ZDHHC11B: variants seen among roughly 807,000 people sequenced by gnomAD.
The protein encoded by ZDHHC11B is zDHHC palmitoyltransferase 11B (putative).
Under a neutral mutation model 42.3 loss-of-function variants are expected in ZDHHC11B, and 17 were observed. That is an observed-to-expected ratio of 0.40 (90% CI 0.27 to 0.60). The LOEUF is 0.60. Among genes scored for constraint, ZDHHC11B ranks in the 20% least tolerant of loss-of-function variants. The pLI is 0.41. For synonymous variants in ZDHHC11B, 123 were observed against 193.5 expected, an observed-to-expected ratio of 0.64 and a Z score of 3.02; for missense variants, 262 against 463.2, an observed-to-expected ratio of 0.57 and a Z score of 3.99.
At chr5:767,091 G>A (rs1735539295) in intron 3 of ZDHHC11B, 172 bp from the exon 4 acceptor site, 5 of 912,202 alleles carry the variant, frequency 5.5e-6, no homozygotes, top group Non-Finnish European at 8.2e-6. Context: ...CAGGGGTTGG[G>A]CTGGAGTCGG....
At chr5:765,898 C>A (rs533721935) in intron 4 of ZDHHC11B, among the ~76,000 whole-genome samples, 1 of 151,940 alleles carries the variant, frequency 6.6e-6, no homozygotes, top group East Asian at 1.9e-4. Context: ...CCCACCAGTT[C>A]CGGACACAGT....
intron 4 of ZDHHC11B, among the ~76,000 whole-genome samples, chr5:757,782 G>T (rs1444690470): frequency 6.6e-6 from 1 of 151,974 alleles, no homozygotes; most frequent in African/African-American, 2.4e-5. Flanking sequence ...AGAATGATCT[G>T]GATGCCAAGG....
intron 9 of ZDHHC11B, among the ~76,000 whole-genome samples, chr5:742,132 A>G (rs534634484): frequency 8.3e-6 from 1 of 120,056 alleles, no homozygotes; most frequent in Non-Finnish European, 1.7e-5. Context: ...AGTTTGTTCA[A>G]ATCTTTTGCC....
chr5:718,378 G>C (rs1208969993), intron 12 of ZDHHC11B, among the ~76,000 whole-genome samples: 15 of 151,726 alleles, frequency 9.9e-5, no homozygotes, highest in African/African-American at 3.6e-4. Context: ...AGTGCTTGAA[G>C]AAAGGAGAAG....
chr5:769,914 C>T (rs1365343952), intron 1 of ZDHHC11B, among the ~76,000 whole-genome samples: 4 of 151,944 alleles, frequency 2.6e-5, no homozygotes, highest in African/African-American at 7.3e-5. Context: ...GAACGTGGCT[C>T]GAGTCCCGCT....
intron 12 of ZDHHC11B, among the ~76,000 whole-genome samples, chr5:725,313 G>GA (rs1461345204): frequency 8.5e-6 from 1 of 118,290 alleles, no homozygotes; most frequent in Non-Finnish European, 1.8e-5. Context: ...GGAGAACCGG[G>GA]AAGGGGCTCT....
chr5:724,453 G>GC, intron 12 of ZDHHC11B, among the ~76,000 whole-genome samples: 1 of 130,004 alleles, frequency 7.7e-6, no homozygotes, highest in South Asian at 2.5e-4. Context: ...TCGGCTCACT[G>GC]CAAGCTCCGC....
intron 1 of ZDHHC11B, among the ~76,000 whole-genome samples, chr5:778,958 A>G (rs1054008300): frequency 5.9e-5 from 9 of 151,790 alleles, no homozygotes; most frequent in Non-Finnish European, 1.2e-4. Flanking sequence ...GGGCTGGGGC[A>G]TGAGGACATG....
chr5:717,451 G>A (rs1330933260), intron 12 of ZDHHC11B, among the ~76,000 whole-genome samples: 12 of 151,600 alleles, frequency 7.9e-5, no homozygotes, highest in African/African-American at 2.2e-4. Flanking sequence ...AAGTTGCAAC[G>A]CTGAATGTGT....
In ZDHHC11B at chr5:766,904, C is replaced by T. The variant is rs553479208; in HGVS notation, c.16G>A (p.Gly6Arg). 100 of 1,612,174 alleles carry T rather than the reference C, an allele frequency of 6.2e-5. 2 individuals are homozygous for T. The highest frequency in any genetic ancestry group is 3.6e-4 in the South Asian group (33 of 90,904). Residue 6 changes from glycine (G) to arginine (R), a missense_variant, in exon 4 of 14, where the codon GGG (glycine) becomes AGG (arginine). By Grantham distance (125) the Gly-to-Arg change is moderately radical. Around this residue, in one of 5 missense-constraint regions of ZDHHC11B, gnomAD observed 97 missense variants for 98.1 expected, o/e 0.99. Transcript: ENST00000508859. MDTRS[G>R]SQCSVTPEAI... ...TCTGGGGTGACGGAACACTGGCTCC[C>T]GGAGCGGGTGTCCATCTGCAGGACA... is the stretch of plus-strand genomic sequence containing the variant.
chr5:765,600 T>A (rs1735176394), intron 4 of ZDHHC11B, among the ~76,000 whole-genome samples: 1 of 151,914 alleles, frequency 6.6e-6, no homozygotes, highest in African/African-American at 2.4e-5. Flanking sequence ...AGCAGCAAAC[T>A]GCTTGGGTTC....
Position 776,971 on chromosome 5 carries a change from T to C in ZDHHC11B, c.-230+7697A>G, listed in dbSNP as rs1481138340. 1.3e-5 allele frequency among the ~76,000 whole-genome samples: 2 copies of C among 151,886 alleles called. 1 individual carries two copies. Among genetic ancestry groups the C allele is most frequent in the Non-Finnish European group, 2.9e-5 (2 of 67,934 alleles). On this transcript the variant is annotated intron_variant, in intron 1 of 13. Transcript: ENST00000508859. The stretch of plus-strand genomic sequence containing the variant: ...CCTGTCAGGCAGGCAGAGCTCCCAA[T>C]CAGAACAAAGCTGGCAGTTTTGAGT...
Position 720,879 on chromosome 5 carries a change from G to A in ZDHHC11B, c.1059-4014C>T, listed in dbSNP as rs1262344041. On this transcript the variant is annotated intron_variant, in intron 12 of 13. Coordinates refer to ENST00000508859, the MANE Select transcript of ZDHHC11B (RefSeq NM_001351303.2). ...TAATCCTAGCCTTTGGGAAGCTAAA[G>A]TGGGAGGATCATGTGAGACCAGGAG... 3.3e-5 allele frequency among the ~76,000 whole-genome samples: 5 copies of A among 151,590 alleles called. 1 individual carries two copies. The highest frequency in any genetic ancestry group is 1.2e-4 in the African/African-American group (5 of 41,096).
chr5:746,144 C>T (rs1347567241), intron 8 of ZDHHC11B, among the ~76,000 whole-genome samples: 5 of 148,208 alleles, frequency 3.4e-5, no homozygotes, highest in African/African-American at 9.9e-5. Context: ...ATTTCAGCCA[C>T]GAGCTTCCAT....
intron 11 of ZDHHC11B, among the ~76,000 whole-genome samples, 162 bp from the exon 12 acceptor site, chr5:730,630 G>A (rs1280659929): frequency 8.0e-5 from 12 of 150,746 alleles, no homozygotes; most frequent in East Asian, 4.0e-4. Context: ...GGCACAGCAC[G>A]CTTCCTCCCA....
intron 4 of ZDHHC11B, among the ~76,000 whole-genome samples, chr5:764,419 C>T (rs118001254): frequency 0.013 from 1,946 of 149,782 alleles, 12 homozygotes; most frequent in East Asian, 0.12. Flanking sequence ...AGCACTAGTT[C>T]GGGGTGGGCA....
At position 772,933 on chromosome 5, in the gene ZDHHC11B, A is replaced by G. The variant is rs1736174997; in HGVS notation, c.-229-4003T>C. Reference sequence around the variant, plus strand: ...ATTAGTTTAACAAAATATTTTTAAAAAAGTTTTTAAACTAAAAATGACAGA... The same window carrying G: ...ATTAGTTTAACAAAATATTTTTAAAGAAGTTTTTAAACTAAAAATGACAGA... On this transcript the variant is annotated intron_variant, in intron 1 of 13. Coordinates refer to ENST00000508859, the MANE Select transcript of ZDHHC11B (RefSeq NM_001351303.2). Among the ~76,000 whole-genome samples the G allele has an allele frequency of 1.3e-5, 2 of 151,894 alleles. 1 individual carries two copies. Among genetic ancestry groups the G allele is most frequent in the South Asian group, 4.2e-4 (2 of 4,812 alleles).
chr5:714,823 C>T (rs1215567751), intron 13 of ZDHHC11B, among the ~76,000 whole-genome samples: 10 of 150,164 alleles, frequency 6.7e-5, no homozygotes, highest in Admixed American at 2.0e-4. Context: ...CCTCATAGGA[C>T]GTGTTTGTGT....
At chr5:772,824 G>A (rs1736167105) in intron 1 of ZDHHC11B, among the ~76,000 whole-genome samples, 1 of 151,786 alleles carries the variant, frequency 6.6e-6, no homozygotes, top group Admixed American at 6.6e-5. Flanking sequence ...GTGTGCTGAG[G>A]GGTCTCACGT....
Sources: gnomAD v4.1 joint callset for allele counts (sites outside exome capture counted in the v4.1 genomes callset) on GRCh38, gnomAD v4.1.1 for gene constraint, gnomAD v4.1.1 regional missense constraint, MANE v1.5 for transcripts, NCBI Gene and HGNC (gene_info 2026-07-23, HGNC 2026-07-21) for gene names.